CTNNA3: variants seen among roughly 807,000 people sequenced by gnomAD.
CTNNA3 encodes the protein catenin alpha-3.
Under a neutral mutation model 95.7 loss-of-function variants are expected in CTNNA3, and 76 were observed. The observed-to-expected ratio is 0.79, with a 90% CI of 0.66 to 0.96. The LOEUF (loss-of-function observed/expected upper bound fraction) is 0.96. Among genes scored for constraint, CTNNA3 ranks in the 40% least tolerant of loss-of-function variants. The pLI, the probability that CTNNA3 is intolerant of heterozygous loss-of-function variation, is 0.00. For missense variants in CTNNA3, 1,191 were observed against 1,089.8 expected (o/e 1.09, Z -1.31); for synonymous variants, 431 against 374.4 (o/e 1.15, Z -1.74).
At chr10:66,191,824 T>A (rs1564747609) in intron 13 of CTNNA3, among the ~76,000 whole-genome samples, 2 of 152,168 alleles carry the variant, frequency 1.3e-5, no homozygotes, top group South Asian at 4.1e-4. Flanking sequence ...TTTTGGAAAA[T>A]TAATCCCCAA....
At chr10:67,628,441 T>G (rs1340946117) in intron 2 of CTNNA3, among the ~76,000 whole-genome samples, 2 of 152,142 alleles carry the variant, frequency 1.3e-5, no homozygotes, top group African/African-American at 4.8e-5. Context: ...TCAAATATTT[T>G]AAATGTTTGA....
intron 3 of CTNNA3, among the ~76,000 whole-genome samples, chr10:67,596,615 T>C (rs759061268): frequency 1.1e-4 from 17 of 152,240 alleles, no homozygotes; most frequent in Non-Finnish European, 2.5e-4. Flanking sequence ...TTCCAGATTC[T>C]AGGGTTTCTG....
chr10:67,065,526 C>T (rs2764809), intron 7 of CTNNA3, among the ~76,000 whole-genome samples: 52,419 of 151,664 alleles, frequency 0.35, 9,553 homozygotes, highest in Middle Eastern at 0.55. Flanking sequence ...CATCTTCTTC[C>T]TGGGCCCACA....
chr10:66,978,711 G>A (rs1283724567), intron 7 of CTNNA3, among the ~76,000 whole-genome samples: 1 of 149,612 alleles, frequency 6.7e-6, no homozygotes, highest in African/African-American at 2.4e-5. Flanking sequence ...AAGTTCCAGT[G>A]AATAAATACA....
At chr10:66,043,068 A>G (rs1354030259) in intron 15 of CTNNA3, among the ~76,000 whole-genome samples, 4 of 151,160 alleles carry the variant, frequency 2.6e-5, no homozygotes, top group African/African-American at 9.7e-5. Context: ...AGAAAATAAA[A>G]CAGAAGGTGT....
intron 1 of CTNNA3, among the ~76,000 whole-genome samples, chr10:67,727,673 T>C (rs1474255015): frequency 7.8e-6 from 1 of 127,906 alleles, no homozygotes; most frequent in African/African-American, 2.9e-5. Context: ...TATAATATAA[T>C]ATATAAATAT....
chr10:67,454,208 C>T (rs114837700), intron 5 of CTNNA3, among the ~76,000 whole-genome samples: 449 of 152,234 alleles, frequency 2.9e-3, no homozygotes, highest in African/African-American at 9.9e-3. Flanking sequence ...AATACAACAT[C>T]TTTTAAATTT....
intron 12 of CTNNA3, among the ~76,000 whole-genome samples, chr10:66,367,858 TAA>T (rs2092721653): frequency 2.1e-5 from 1 of 47,018 alleles, no homozygotes; most frequent in African/African-American, 8.8e-5. Context: ...TTTATAATAA[TAA>T]TAATAATAAT....
chr10:67,622,976 G>A (rs914139660), intron 2 of CTNNA3, among the ~76,000 whole-genome samples: 1 of 152,124 alleles, frequency 6.6e-6, no homozygotes, highest in African/African-American at 2.4e-5. Flanking sequence ...GTTACTCGTT[G>A]AGGTTATAGT....
At chr10:67,136,978 C>T (rs780751682) in intron 7 of CTNNA3, among the ~76,000 whole-genome samples, 2 of 152,188 alleles carry the variant, frequency 1.3e-5, no homozygotes, top group Non-Finnish European at 2.9e-5. Flanking sequence ...CAAGAAGTGA[C>T]TCCAACCTAA....
rs1214090860 is a variant in CTNNA3 at position 67,018,337 on chromosome 10, T to C, written c.1047+161980A>G. ...CATTTCTGATTTGATTCCTGATTCC[T>C]GATTTTCTTCACCCAACTTTTTAAA... On this transcript the variant is annotated intron_variant, in intron 7 of 17. Coordinates refer to ENST00000433211, the MANE Select transcript of CTNNA3 (RefSeq NM_013266.4). Among the ~76,000 whole-genome samples, 4 of 152,342 alleles carry C rather than the reference T, an allele frequency of 2.6e-5. No individual in the cohort carries two copies. The East Asian group carries it at 7.7e-4, about 29-fold the overall frequency.
intron 1 of CTNNA3, among the ~76,000 whole-genome samples, chr10:67,693,882 C>T (rs1312578472): frequency 1.3e-5 from 2 of 152,188 alleles, no homozygotes; most frequent in Non-Finnish European, 2.9e-5. Context: ...CATAGCCACG[C>T]CTAATTCCAT....
intron 13 of CTNNA3, among the ~76,000 whole-genome samples, chr10:66,230,100 C>A (rs1233414235): frequency 1.3e-5 from 2 of 152,026 alleles, no homozygotes; most frequent in Non-Finnish European, 2.9e-5. Flanking sequence ...ATATCTATCT[C>A]TTTGCTAAAT....
chr10:67,675,723 A>G (rs2133559090), intron 1 of CTNNA3, among the ~76,000 whole-genome samples: 1 of 152,264 alleles, frequency 6.6e-6, no homozygotes, highest in South Asian at 2.1e-4. Context: ...GACACATGGC[A>G]AAGGGGATGG....
At chr10:66,042,543 G>C (rs1402586013) in intron 15 of CTNNA3, among the ~76,000 whole-genome samples, 9 of 152,012 alleles carry the variant, frequency 5.9e-5, no homozygotes, top group Non-Finnish European at 1.0e-4. Flanking sequence ...ATGAGATTTA[G>C]ATAAAGAGGG....
intron 12 of CTNNA3, among the ~76,000 whole-genome samples, chr10:66,300,385 G>T (rs1227830153): frequency 6.6e-6 from 1 of 152,010 alleles, no homozygotes; most frequent in Non-Finnish European, 1.5e-5. Context: ...CTGGCACCAG[G>T]AGGATTATTT....
At chr10:66,651,462 G>A (rs562552176) in intron 9 of CTNNA3, among the ~76,000 whole-genome samples, 44 of 143,622 alleles carry the variant, frequency 3.1e-4, no homozygotes, top group Middle Eastern at 3.8e-3. Context: ...ACCAAGTGCC[G>A]CACTCCTCAG....
intron 7 of CTNNA3, among the ~76,000 whole-genome samples, chr10:66,830,803 G>A (rs909652201): frequency 2.6e-5 from 4 of 151,920 alleles, no homozygotes; most frequent in African/African-American, 9.7e-5. Context: ...TAGAGACAGG[G>A]TTTCACCGTG....
chr10:66,906,349 G>A (rs755073043), intron 7 of CTNNA3, among the ~76,000 whole-genome samples: 11 of 152,164 alleles, frequency 7.2e-5, no homozygotes, highest in Non-Finnish European at 1.5e-4. Flanking sequence ...CTTACAGGAA[G>A]CAAAGGATCA....
Sources: allele counts gnomAD v4.1 joint callset (sites outside exome capture counted in the v4.1 genomes callset), GRCh38; gene constraint gnomAD v4.1.1; transcripts MANE v1.5; gene names NCBI Gene and HGNC (gene_info 2026-07-23, HGNC 2026-07-21).